FAM221A: variants seen among roughly 807,000 people sequenced by gnomAD.
FAM221A encodes family with sequence similarity 221 member A.
In FAM221A, 43 loss-of-function variants were observed where a neutral mutation model predicts 37.6. The ratio of observed to expected loss-of-function variants is 1.15; its 90% CI spans 0.90 to 1.48. FAM221A has a LOEUF of 1.48. Ranked by LOEUF, FAM221A falls within the 40% of genes most tolerant of loss-of-function variation. FAM221A has a pLI of 0.00. For missense variants in FAM221A, 361 were observed against 361.5 expected (o/e 1.00, Z 0.01); for synonymous variants, 135 against 132.9 (o/e 1.02, Z -0.11).
chr7:23,698,756 T>C (rs1182290933), intron 5 of FAM221A, among the ~76,000 whole-genome samples: 1 of 152,214 alleles, frequency 6.6e-6, no homozygotes, highest in Non-Finnish European at 1.5e-5. Context: ...AAGAATGAAT[T>C]TGTATGACTT....
Position 23,698,260 on chromosome 7 carries a change from C to A in FAM221A, c.706C>A (p.Gln236Lys). ...AGACAGCCCATTCCTAAAAGCATTT[C>A]AAGCATCATCTAGTTCTTCTCCAGA... ...AVDSPFLKAF[Q>K]ASSSSSPETL... Residue 236 changes from glutamine (Q) to lysine (K), a missense_variant, in exon 5 of 7, where the codon CAA becomes AAA. By Grantham distance (53) the Gln-to-Lys change is moderately conservative. Transcript: ENST00000344962. 1 of 1,595,464 alleles carries A rather than the reference C, an allele frequency of 6.3e-7. No homozygotes were observed. Among genetic ancestry groups the A allele is most frequent in the East Asian group, 2.3e-5 (1 of 44,144 alleles).
chr7:23,685,818 A>G (rs1235218678), intron 2 of FAM221A, among the ~76,000 whole-genome samples: 1 of 152,204 alleles, frequency 6.6e-6, no homozygotes, highest in African/African-American at 2.4e-5. Flanking sequence ...AAATTTTGCT[A>G]CCGTCTCACA....
Position 23,698,108 on chromosome 7 carries a change from C to T in FAM221A, c.638-84C>T, listed in dbSNP as rs1358512768. On this transcript the variant is annotated intron_variant, in intron 4 of 6. Coordinates refer to ENST00000344962, the MANE Select transcript of FAM221A (RefSeq NM_199136.5). Reference sequence around the variant, plus strand: ...AATTTCTAATAATTCTGCTGAGGTTCCAATTTATTTTACATTAGAAGTAAT... The same window carrying T: ...AATTTCTAATAATTCTGCTGAGGTTTCAATTTATTTTACATTAGAAGTAAT... 4 of 793,132 alleles carry T rather than the reference C, an allele frequency of 5.0e-6. No individual in the cohort carries two copies. In the African/African-American group the frequency reaches 7.3e-5, roughly 15 times the overall value. The allele number at this position is 793,132 out of a possible 1,614,324, so 49.1% of individuals were successfully genotyped here. A position where few individuals can be genotyped will look rare whatever the true frequency, so the allele number is the denominator to read the frequency against.
Position 23,702,158 on chromosome 7 carries a change from T to A in FAM221A, c.891T>A (p.Pro297=), listed in dbSNP as rs750082335. 7 of 1,592,326 alleles carry A rather than the reference T, an allele frequency of 4.4e-6. No homozygotes were observed. The highest frequency in any genetic ancestry group is 2.3e-5 in the East Asian group (1 of 44,302). Residue 297 remains proline, a synonymous_variant, in exon 7 of 7, where the codon CCT becomes CCA. Transcript: ENST00000344962. ...GKAPLPSATK[P]S ...CTCCATTGCCATCAGCTACAAAACCTTCATGAAGACTATTGGAGAAATTAA... is the reference window on the plus strand; with the variant it reads ...CTCCATTGCCATCAGCTACAAAACCATCATGAAGACTATTGGAGAAATTAA...
At chr7:23,698,665 G>C (rs913522378) in intron 5 of FAM221A, among the ~76,000 whole-genome samples, 3 of 151,904 alleles carry the variant, frequency 2.0e-5, no homozygotes, top group Non-Finnish European at 4.4e-5. Context: ...AGGTTAGCAG[G>C]GTTTTATCAT....
chr7:23,697,237 G>T (rs1212865558), intron 4 of FAM221A, among the ~76,000 whole-genome samples: 1 of 152,222 alleles, frequency 6.6e-6, no homozygotes, highest in African/African-American at 2.4e-5. Context: ...GGCCAGGAGC[G>T]GGGAGAGACT....
intron 2 of FAM221A, chr7:23,686,470 A>G (rs1177643152): frequency 6.4e-6 from 2 of 312,638 alleles, no homozygotes; most frequent in Non-Finnish European, 1.3e-5. Flanking sequence ...TGGCTTTGTT[A>G]CCCAGACTGG....
chr7:23,694,290 A>G (rs1034994272), intron 4 of FAM221A: 1 of 152,144 alleles, frequency 6.6e-6, no homozygotes, highest in Non-Finnish European at 1.5e-5. Context: ...TTTATGTAAT[A>G]TATATTTTTT....
chr7:23,684,449 C>CCAGAAAATAAATACT (rs760777276), intron 1 of FAM221A, 50 bp from the exon 2 acceptor site: 1 of 1,319,200 alleles, frequency 7.6e-7, no homozygotes, highest in South Asian at 1.4e-5. Flanking sequence ...CATAGCTCAC[C>CCAGAAAATAAATACT]CAGAAAATAA....
At chr7:23,690,142 A>T (rs992336487) in intron 3 of FAM221A, among the ~76,000 whole-genome samples, 3 of 138,352 alleles carry the variant, frequency 2.2e-5, no homozygotes, top group African/African-American at 7.8e-5. Context: ...GTAGTTGGAG[A>T]AAACTGATTT....
intron 6 of FAM221A, 130 bp downstream of exon 6, chr7:23,700,998 C>T: frequency 1.6e-6 from 1 of 625,276 alleles, no homozygotes; most frequent in East Asian, 2.7e-5. Flanking sequence ...TGGTGTTAGG[C>T]CTTGAGGCTT....
At chr7:23,690,690 A>ATGTTGT (rs1215442726) in intron 3 of FAM221A, among the ~76,000 whole-genome samples, 1 of 152,204 alleles carries the variant, frequency 6.6e-6, no homozygotes, top group East Asian at 1.9e-4. Flanking sequence ...ATCAGCATGA[A>ATGTTGT]TGTTGTGTAA....
intron 1 of FAM221A, among the ~76,000 whole-genome samples, chr7:23,681,935 A>C (rs777778295): frequency 6.6e-6 from 1 of 152,122 alleles, no homozygotes. Flanking sequence ...GCTCTTGCCT[A>C]GGTACTTCGG....
intron 4 of FAM221A, among the ~76,000 whole-genome samples, chr7:23,697,129 G>C (rs1423250772): frequency 2.6e-5 from 4 of 152,310 alleles, no homozygotes; most frequent in Non-Finnish European, 4.4e-5. Context: ...GAGCATTTGA[G>C]ATCAGTAGCA....
At chr7:23,687,545 G>A (rs543205669) in intron 2 of FAM221A, 9 of 151,860 alleles carry the variant, frequency 5.9e-5, no homozygotes, top group Middle Eastern at 6.8e-3. Context: ...TATTTTCTTA[G>A]GGTATATTTT....
Position 23,684,613 on chromosome 7 carries a change from A to T in FAM221A, c.180A>T (p.Ser60=), listed in dbSNP as rs749626297. The change falls in exon 2 of 7, where the codon TCA becomes TCT. Residue 60 remains serine, a synonymous_variant. Transcript: ENST00000344962. ...ACAGATTATTTGTGAGCTGGCGGTC[A>T]CCAACAGGGATGGATTGTAAACTTG... The part of the protein sequence containing the change: ...LQNRLFVSWR[S]PTGMDCKLVG... 8 of 1,614,104 alleles carry T rather than the reference A, an allele frequency of 5.0e-6. No homozygotes were observed. Among genetic ancestry groups the T allele is most frequent in the Non-Finnish European group, 6.8e-6 (8 of 1,180,034 alleles).
At chr7:23,685,523 C>G (rs1784317235) in intron 2 of FAM221A, among the ~76,000 whole-genome samples, 1 of 152,152 alleles carries the variant, frequency 6.6e-6, no homozygotes, top group Non-Finnish European at 1.5e-5. Context: ...AATGGGTCAT[C>G]AGATTGAGGA....
chr7:23,690,201 T>TA (rs1562522045), intron 3 of FAM221A, among the ~76,000 whole-genome samples: 107 of 38,484 alleles, frequency 2.8e-3, no homozygotes, highest in East Asian at 0.013. Flanking sequence ...ATATATATAT[T>TA]TTTTTTTTTT....
intron 3 of FAM221A, 53 bp from the exon 4 acceptor site, chr7:23,691,337 G>T: frequency 6.4e-7 from 1 of 1,568,700 alleles, no homozygotes; most frequent in South Asian, 1.1e-5. Context: ...GTGTCTTTAG[G>T]GTAGACAACA....
Sources: gnomAD v4.1 joint callset for allele counts (sites outside exome capture counted in the v4.1 genomes callset) on GRCh38, gnomAD v4.1.1 for gene constraint, MANE v1.5 for transcripts, NCBI Gene and HGNC (gene_info 2026-07-23, HGNC 2026-07-21) for gene names.